Variants in MTOR observed in about 807,000 individuals in gnomAD.
The protein encoded by MTOR is mechanistic target of rapamycin kinase.
In MTOR, 70 loss-of-function variants were observed where a neutral mutation model predicts 319.8. The observed-to-expected ratio is 0.22, with a 90% confidence interval of 0.18 to 0.27. MTOR has a LOEUF of 0.27. Among genes scored for constraint, MTOR ranks in the 10% least tolerant of loss-of-function variants. MTOR has a pLI of 1.00. For synonymous variants in MTOR, 1,183 were observed against 1,211.4 expected (o/e 0.98, Z 0.49); for missense variants, 1,890 against 3,274.4 (o/e 0.58, Z 10.32).
At chr1:11,132,936 T>A in intron 38 of MTOR, 144 bp downstream of exon 38, 1 of 674,010 alleles carries the variant, frequency 1.5e-6, no homozygotes, top group South Asian at 1.8e-5. Context: ...TCCCTGGGCC[T>A]CTTATAGATA....
At chr1:11,252,396 C>T (rs1649812646) in intron 6 of MTOR, among the ~76,000 whole-genome samples, 1 of 152,058 alleles carries the variant, frequency 6.6e-6, no homozygotes, top group South Asian at 2.1e-4. Flanking sequence ...TTCAGCCTCC[C>T]AAAGTGCTGA....
At chr1:11,248,196 G>C in intron 6 of MTOR, 102 bp from the exon 7 acceptor site, 1 of 1,236,154 alleles carries the variant, frequency 8.1e-7, no homozygotes, top group East Asian at 2.3e-5. Flanking sequence ...ATCCCGAAAC[G>C]CAACTACTTC....
chr1:11,130,881 T>A (rs2100435372), intron 38 of MTOR, 104 bp from the exon 39 acceptor site: 2 of 1,404,414 alleles, frequency 1.4e-6, no homozygotes, highest in East Asian at 2.5e-5. Context: ...CTGCCTGTTC[T>A]GTGTGTCCAT....
intron 56 of MTOR, 65 bp from the exon 57 acceptor site, chr1:11,108,351 G>C: frequency 1.6e-6 from 2 of 1,270,506 alleles, no homozygotes; most frequent in Non-Finnish European, 2.3e-6. Flanking sequence ...CTTGTTCCCT[G>C]TGGGCTTAAC....
At chr1:11,185,555 A>G (rs942923921) in intron 28 of MTOR, among the ~76,000 whole-genome samples, 6 of 152,048 alleles carry the variant, frequency 3.9e-5, no homozygotes, top group African/African-American at 1.2e-4. Flanking sequence ...GCAATGAGCC[A>G]TGGTTGCCCC....
chr1:11,133,197 T>A lies in MTOR; in HGVS notation c.5247A>T (p.Arg1749=), dbSNP rs764759848. ...GCCACTCTCCAAGTTTCAGGAAGCA[T>A]CTGGAAGCAGAGAAACAAGCCCCCA... ...HKQELHKLMA[R]CFLKLGEWQL... is the part of the protein sequence containing the mutation. The change falls in exon 38 of 58, where the codon CGA becomes CGT. Residue 1749 remains arginine, a splice_region_variant and synonymous_variant. Coordinates refer to ENST00000361445, the MANE Select transcript of MTOR (RefSeq NM_004958.4). This position sits in a 1 kb window ranked among gnomAD's most constrained non-coding sequence, Gnocchi z 4.0. The A allele has an allele frequency of 6.2e-7, 1 of 1,613,906 alleles. No homozygotes were observed. Among genetic ancestry groups the A allele is most frequent in the Admixed American group, 1.7e-5 (1 of 60,026 alleles).
rs749491958 is a variant in MTOR, at chr1:11,241,694, GGA to G, written c.1413-15_1413-14del. The stretch of plus-strand genomic sequence containing the variant: ...TGCCTTCTGCCTCCTGTAGAGAAAT[GGA>G]GAGTGGCTAGTTGAGACATAATGAC... On this transcript the variant is annotated splice_polypyrimidine_tract_variant and intron_variant, in intron 9 of 57. Coordinates refer to ENST00000361445, the MANE Select transcript of MTOR (RefSeq NM_004958.4). 1.7e-5 allele frequency: 28 copies of G among 1,607,636 alleles called. No homozygotes were observed. Among genetic ancestry groups the G allele is most frequent in the African/African-American group, 2.7e-5 (2 of 74,778 alleles).
chr1:11,241,697 G>A lies in MTOR; in HGVS notation c.1413-16C>T. The stretch of plus-strand genomic sequence containing the variant: ...CTTCTGCCTCCTGTAGAGAAATGGA[G>A]AGTGGCTAGTTGAGACATAATGACA... On this transcript the variant is annotated splice_polypyrimidine_tract_variant and intron_variant, in intron 9 of 57. Coordinates refer to ENST00000361445, the MANE Select transcript of MTOR (RefSeq NM_004958.4). 2 of 1,606,762 alleles carry A rather than the reference G, an allele frequency of 1.2e-6. No homozygotes were observed. Among genetic ancestry groups the A allele is most frequent in the Non-Finnish European group, 1.7e-6 (2 of 1,175,014 alleles).
intron 53 of MTOR, among the ~76,000 whole-genome samples, chr1:11,113,354 T>C (rs1364727929): frequency 6.6e-6 from 1 of 151,626 alleles, no homozygotes; most frequent in Non-Finnish European, 1.5e-5. Context: ...AAGAATATTT[T>C]AGTATCTAAA....
intron 29 of MTOR, among the ~76,000 whole-genome samples, chr1:11,161,544 C>T (rs1170574622): frequency 6.6e-6 from 1 of 152,134 alleles, no homozygotes; most frequent in African/African-American, 2.4e-5. Context: ...CAGTAGGGGC[C>T]GACTGACACC....
intron 34 of MTOR, among the ~76,000 whole-genome samples, chr1:11,140,115 T>C (rs1643621833): frequency 6.6e-6 from 1 of 152,102 alleles, no homozygotes; most frequent in African/African-American, 2.4e-5. Flanking sequence ...CGAGCCACCA[T>C]GCCTGGCCTT....
At chr1:11,131,736 CAG>C (rs1347193624) in intron 38 of MTOR, 2 of 152,236 alleles carry the variant, frequency 1.3e-5, no homozygotes, top group African/African-American at 4.8e-5. Context: ...GAGTGTGAGG[CAG>C]AGTTTGCTTC....
At chr1:11,202,144 T>C (rs1016359463) in intron 26 of MTOR, among the ~76,000 whole-genome samples, 1 of 152,146 alleles carries the variant, frequency 6.6e-6, no homozygotes, top group African/African-American at 2.4e-5. Flanking sequence ...AGATTTACTA[T>C]TTAGGCCGGG....
intron 1 of MTOR, among the ~76,000 whole-genome samples, chr1:11,261,236 C>A (rs1238306268): frequency 1.3e-5 from 2 of 149,650 alleles, no homozygotes; most frequent in Non-Finnish European, 3.0e-5. Context: ...GAGGCCGAGG[C>A]GGGCGGATCA....
At chr1:11,220,438 AG>A (rs946449950) in intron 19 of MTOR, among the ~76,000 whole-genome samples, 1 of 152,196 alleles carries the variant, frequency 6.6e-6, no homozygotes, top group Non-Finnish European at 1.5e-5. Context: ...GGTGAAATAA[AG>A]ACTTATTCAG....
At chr1:11,150,322 G>A in intron 30 of MTOR, 96 bp from the exon 31 acceptor site, 1 of 943,122 alleles carries the variant, frequency 1.1e-6, no homozygotes. Flanking sequence ...GACTACACAG[G>A]AACTGGACAC....
chr1:11,194,803 T>C (rs2100726928), intron 28 of MTOR: 1 of 1,606,730 alleles, frequency 6.2e-7, no homozygotes, highest in Non-Finnish European at 8.5e-7. Context: ...TTACCTGATG[T>C]CTGGTCTATC....
chr1:11,150,253 A>G (rs1485633078), intron 30 of MTOR, 27 bp from the exon 31 acceptor site: 1 of 1,588,356 alleles, frequency 6.3e-7, no homozygotes, highest in Admixed American at 1.7e-5. Flanking sequence ...ATATAGTCAG[A>G]TTAATCCAAA....
intron 28 of MTOR, among the ~76,000 whole-genome samples, chr1:11,196,827 G>A (rs1325523116): frequency 2.0e-5 from 3 of 151,208 alleles, no homozygotes; most frequent in African/African-American, 7.3e-5. Context: ...ACTCCAGCCT[G>A]GAGACAGAGC....
Sources: gnomAD v4.1 joint callset for allele counts (sites outside exome capture counted in the v4.1 genomes callset) on GRCh38, gnomAD v4.1.1 for gene constraint, Gnocchi (gnomAD v3.1) non-coding constraint, MANE v1.5 for transcripts, NCBI Gene and HGNC (gene_info 2026-07-23, HGNC 2026-07-21) for gene names.